The following CEP128 variants were observed in gnomAD, a reference collection of about 807,000 sequenced individuals.
CEP128 encodes centrosomal protein 128.
Under a neutral mutation model 156.7 loss-of-function variants are expected in CEP128, and 132 were observed. The observed-to-expected ratio is 0.84, with a 90% CI of 0.73 to 0.97. The LOEUF (loss-of-function observed/expected upper bound fraction) is 0.97, where lower values mean the gene tolerates loss of function less well. CEP128 is among the 50% of genes least tolerant of loss of function. The probability of loss-of-function intolerance (pLI) is 0.00; values close to 1 mark genes in which losing one functional copy is unlikely to be tolerated. For synonymous variants in CEP128, 469 were observed against 448.9 expected, an observed-to-expected ratio of 1.04 and a Z score of -0.57; for missense variants, 1,252 against 1,281.9, an observed-to-expected ratio of 0.98 and a Z score of 0.36.
rs753036849 is a variant in CEP128 at position 80,784,926 on chromosome 14, C to T, written c.2180G>A (p.Ser727Asn). ...ELMKHFKKEK[S>N]EAENHIRTLK... Reference sequence around the variant, plus strand: ...AGTCCTGATATGATTCTCAGCCTCACTCTTTTCTTTCTTAAAGTGCTTCAT... The same window carrying T: ...AGTCCTGATATGATTCTCAGCCTCATTCTTTTCTTTCTTAAAGTGCTTCAT... The change falls in exon 15 of 25, where the codon AGT becomes AAT. Residue 727 changes from serine (S) to asparagine (N), a missense_variant. Transcript: ENST00000555265. 6.2e-7 allele frequency: 1 copy of T among 1,613,136 alleles called. No individual in the cohort carries two copies.
chr14:80,676,444 A>AT (rs61606038), intron 19 of CEP128, among the ~76,000 whole-genome samples: 16,988 of 150,746 alleles, frequency 0.11, 1,177 homozygotes, highest in East Asian at 0.25. Context: ...TTAATTTGTG[A>AT]TTTTTTTTAA....
intron 16 of CEP128, among the ~76,000 whole-genome samples, chr14:80,766,099 T>A (rs1900225363): frequency 6.6e-6 from 1 of 152,126 alleles, no homozygotes; most frequent in South Asian, 2.1e-4. Flanking sequence ...ATGCATAATA[T>A]CCCAAACTTT....
chr14:80,957,280 A>AC (rs757248262), intron 2 of CEP128, among the ~76,000 whole-genome samples: 2 of 151,728 alleles, frequency 1.3e-5, no homozygotes, highest in African/African-American at 4.8e-5. Context: ...GGTAAGCTAT[A>AC]CCCCCCTTCC....
At chr14:80,620,683 T>G (rs1373618934) in intron 19 of CEP128, among the ~76,000 whole-genome samples, 1 of 151,826 alleles carries the variant, frequency 6.6e-6, no homozygotes, top group Non-Finnish European at 1.5e-5. Context: ...AGACAGAGAG[T>G]TTACCACTCA....
At chr14:80,785,772 A>G (rs929633573) in intron 14 of CEP128, among the ~76,000 whole-genome samples, 3 of 152,206 alleles carry the variant, frequency 2.0e-5, no homozygotes, top group African/African-American at 7.2e-5. Flanking sequence ...TATGTATTTC[A>G]AATTTTCATC....
intron 8 of CEP128, among the ~76,000 whole-genome samples, chr14:80,884,668 C>A (rs971620306): frequency 4.6e-5 from 7 of 152,302 alleles, no homozygotes; most frequent in Admixed American, 2.0e-4. Context: ...GCCCACAGAC[C>A]AGGAGATTCT....
Position 80,654,696 on chromosome 14 carries a change from C to T in CEP128, c.2807-74273G>A, listed in dbSNP as rs546469451. On this transcript the variant is annotated intron_variant, in intron 19 of 24. Coordinates refer to ENST00000555265, the MANE Select transcript of CEP128 (RefSeq NM_152446.5). ...ATGTTCTTGAAGTATTTTATAAAAA[C>T]ATTTTCTCTTTTCTTGTTCAAACTC... is the stretch of plus-strand genomic sequence containing the variant. Among the ~76,000 whole-genome samples, 8 of 152,184 alleles carry T rather than the reference C, an allele frequency of 5.3e-5. No homozygotes were observed. In the East Asian group the frequency reaches 1.4e-3, roughly 26 times the overall value.
intron 2 of CEP128, among the ~76,000 whole-genome samples, chr14:80,927,629 AGAAGG>A (rs1202383081): frequency 1.3e-5 from 2 of 152,190 alleles, no homozygotes; most frequent in East Asian, 3.8e-4. Context: ...CCAGTGGCCC[AGAAGG>A]GAGGCTGTGG....
intron 21 of CEP128, among the ~76,000 whole-genome samples, chr14:80,552,033 G>C (rs1051911399): frequency 1.3e-5 from 2 of 151,996 alleles, no homozygotes; most frequent in Non-Finnish European, 2.9e-5. Flanking sequence ...TGTTGTTGTT[G>C]TTGTTTGTTT....
At chr14:80,945,029 T>C (rs1166227505), upstream of CEP128, among the ~76,000 whole-genome samples, 1 of 152,132 alleles carries the variant, frequency 6.6e-6, no homozygotes, top group Non-Finnish European at 1.5e-5. Context: ...GGTTACATGA[T>C]GTATTAGTTT....
At chr14:80,656,637 T>C (rs1313948382) in intron 19 of CEP128, among the ~76,000 whole-genome samples, 1 of 152,056 alleles carries the variant, frequency 6.6e-6, no homozygotes, top group Non-Finnish European at 1.5e-5. Context: ...CTAGTCTATC[T>C]AAATCTAATG....
intron 19 of CEP128, among the ~76,000 whole-genome samples, chr14:80,644,879 C>T (rs547627571): frequency 1.3e-5 from 2 of 152,174 alleles, no homozygotes; most frequent in East Asian, 1.9e-4. Context: ...ACATATTCAA[C>T]AATATGTTCT....
chr14:80,729,058 G>GGGGTGTGTGTGTGTGTGT (rs1898141728), intron 19 of CEP128, among the ~76,000 whole-genome samples: 3 of 105,056 alleles, frequency 2.9e-5, no homozygotes, highest in African/African-American at 5.0e-5. Context: ...GGCTGGTGGG[G>GGGGTGTGTGTGTGTGTGT]GTGTGTGTGT....
At chr14:80,636,385 G>A (rs1174469101) in intron 19 of CEP128, among the ~76,000 whole-genome samples, 2 of 152,188 alleles carry the variant, frequency 1.3e-5, no homozygotes, top group Admixed American at 1.3e-4. Flanking sequence ...TATTTAGATA[G>A]TCTAAAGATT....
Position 80,479,205 on chromosome 14 carries a change from A to T in CEP128, c.*311-798T>A, listed in dbSNP as rs537937689. On this transcript the variant is annotated intron_variant and NMD_transcript_variant, in intron 14 of 14. Transcript: ENST00000554502. ...GTGCAAGAGGTAGGATTCTAATCTTATGCTATTTTTAAGCAAAATATAACA... is the reference window on the plus strand; with the variant it reads ...GTGCAAGAGGTAGGATTCTAATCTTTTGCTATTTTTAAGCAAAATATAACA... Among the ~76,000 whole-genome samples, 3 of 152,356 alleles carry T rather than the reference A, an allele frequency of 2.0e-5. No homozygotes were observed. The East Asian group carries it at 5.8e-4, about 29-fold the overall frequency.
intron 2 of CEP128, among the ~76,000 whole-genome samples, chr14:80,921,871 G>A (rs35728625): frequency 0.097 from 14,720 of 151,310 alleles, 1,216 homozygotes; most frequent in East Asian, 0.43. Flanking sequence ...GCTGAGACAG[G>A]ACAATCACTT....
At chr14:80,484,058 C>A (rs1431914611) in intron 14 of CEP128, among the ~76,000 whole-genome samples, 1 of 152,016 alleles carries the variant, frequency 6.6e-6, no homozygotes, top group African/African-American at 2.4e-5. Flanking sequence ...CTCACTGCAG[C>A]CTTGACCTCC....
chr14:80,717,218 T>C (rs925318661), intron 19 of CEP128, among the ~76,000 whole-genome samples: 2 of 152,206 alleles, frequency 1.3e-5, no homozygotes, highest in Non-Finnish European at 2.9e-5. Flanking sequence ...TGCTATAATT[T>C]ACTTTAAATA....
intron 2 of CEP128, among the ~76,000 whole-genome samples, chr14:80,924,332 G>T (rs538613953): frequency 4.6e-5 from 7 of 152,126 alleles, no homozygotes; most frequent in Non-Finnish European, 1.0e-4. Context: ...CAACTGTCCA[G>T]TCCACCAGTC....
Sources: gnomAD v4.1 joint callset for allele counts (sites outside exome capture counted in the v4.1 genomes callset) on GRCh38, gnomAD v4.1.1 for gene constraint, MANE v1.5 for transcripts, NCBI Gene and HGNC (gene_info 2026-07-23, HGNC 2026-07-21) for gene names.